Variants in ZC3H11A observed in about 807,000 individuals in gnomAD.
ZC3H11A encodes zinc finger CCCH-type containing 11A.
A neutral mutation model predicts 90.8 loss-of-function variants in ZC3H11A; 22 were observed. That is an observed-to-expected ratio of 0.24 (90% CI 0.17 to 0.35). The LOEUF (loss-of-function observed/expected upper bound fraction) is 0.35, where lower values mean the gene tolerates loss of function less well. Among genes scored for constraint, ZC3H11A ranks in the 10% least tolerant of loss-of-function variants. ZC3H11A has a pLI of 1.00. For synonymous variants in ZC3H11A, 294 were observed against 339.8 expected (o/e 0.87, Z 1.48); for missense variants, 701 against 964.9 (o/e 0.73, Z 3.62).
chr1:203,837,031 A>C (rs188375352), intron 10 of ZC3H11A, among the ~76,000 whole-genome samples: 6 of 152,256 alleles, frequency 3.9e-5, no homozygotes, highest in Admixed American at 2.6e-4. Flanking sequence ...GGGGCCTGGC[A>C]TAGTGCTGTA....
chr1:203,852,853 A>G lies in ZC3H11A; in HGVS notation c.*454A>G, dbSNP rs180808990. 0.011 allele frequency: 1,945 copies of G among 178,142 alleles called. 13 individuals are homozygous for G. Among genetic ancestry groups the G allele is most frequent in the Middle Eastern group, 0.018 (6 of 336 alleles). 11.0% of individuals were successfully genotyped at this position (178,142 alleles called of 1,614,324 possible). On this transcript the variant is annotated 3_prime_UTR_variant, in exon 18 of 18. Transcript: ENST00000367210. ...AAGGACCAAATTTTATGCTACCACTAAACAAAAATACCCACTCAGTCTGTG... is the reference window on the plus strand; with the variant it reads ...AAGGACCAAATTTTATGCTACCACTGAACAAAAATACCCACTCAGTCTGTG...
Position 203,853,894 on chromosome 1 carries a change from C to T in ZC3H11A, c.*1495C>T, listed in dbSNP as rs1228912894. The T allele has an allele frequency of 3.9e-5, 6 of 152,634 alleles. No individual in the cohort carries two copies. In the East Asian group the frequency reaches 1.2e-3, roughly 29 times the overall value. The allele number at this position is 152,634 out of a possible 1,614,324, so 9.5% of individuals were successfully genotyped here. A position where few individuals can be genotyped will look rare whatever the true frequency, so the allele number is the denominator to read the frequency against. ...TTCTCCAAAGCAGAGGTAGAATGTTCAGGTTTCACCATGGATTTTCTACTT... is the reference window on the plus strand; with the variant it reads ...TTCTCCAAAGCAGAGGTAGAATGTTTAGGTTTCACCATGGATTTTCTACTT... On this transcript the variant is annotated 3_prime_UTR_variant, in exon 18 of 18. Transcript: ENST00000367210.
At chr1:203,843,390 T>C (rs1234013516) in intron 12 of ZC3H11A, among the ~76,000 whole-genome samples, 1 of 152,240 alleles carries the variant, frequency 6.6e-6, no homozygotes, top group Non-Finnish European at 1.5e-5. Flanking sequence ...CTTGTGAAAT[T>C]TGTATTAGAT....
intron 2 of ZC3H11A, 76 bp from the exon 3 acceptor site, chr1:203,816,850 G>T (rs1676550880): frequency 2.2e-6 from 1 of 456,762 alleles, no homozygotes; most frequent in East Asian, 3.6e-5. Flanking sequence ...CTAGCAATAC[G>T]ATCTCATTAG....
rs775708700 is a variant in ZC3H11A, at chr1:203,828,332, A to G, written c.208A>G (p.Asn70Asp). Residue 70 changes from asparagine to aspartate, a missense_variant, in exon 5 of 18, where the codon AAT (asparagine) becomes GAT (aspartate). This residue lies in a region of ZC3H11A where 59 missense variants were observed against 132.8 expected (regional missense o/e 0.44). Coordinates refer to ENST00000367210, the MANE Select transcript of ZC3H11A (RefSeq NM_001376342.1). Reference protein sequence around the residue: ...KRSEIPCYWENQPTGCQKLNC... With the variant: ...KRSEIPCYWEDQPTGCQKLNC... ...CAGTGAAATTCCTTGTTATTGGGAA[A>G]ATCAGCCAACAGGATGTCAAAAATT... 1.2e-6 allele frequency: 2 copies of G among 1,614,130 alleles called. No individual in the cohort carries two copies. Among genetic ancestry groups the G allele is most frequent in the Admixed American group, 1.7e-5 (1 of 60,036 alleles).
At chr1:203,806,201 C>T in intron 2 of ZC3H11A, 1 of 439,844 alleles carries the variant, frequency 2.3e-6, no homozygotes, top group Non-Finnish European at 4.4e-6. Context: ...TCCACCATGC[C>T]AATGCAGTCA....
rs774771270 is a variant in ZC3H11A at position 203,830,925 on chromosome 1, A to ATTTTTTT, written c.701-704_701-698dup. Among the ~76,000 whole-genome samples, 18 of 51,386 alleles carry ATTTTTTT rather than the reference A, an allele frequency of 3.5e-4. 2 individuals are homozygous for ATTTTTTT. Among genetic ancestry groups the ATTTTTTT allele is most frequent in the African/African-American group, 3.5e-4 (5 of 14,090 alleles). The allele number at this position is 51,386 out of a possible 152,430, so 33.7% of individuals were successfully genotyped here. A position where few individuals can be genotyped will look rare whatever the true frequency, so the allele number is the denominator to read the frequency against. On this transcript the variant is annotated intron_variant, in intron 8 of 17. Coordinates refer to ENST00000367210, the MANE Select transcript of ZC3H11A (RefSeq NM_001376342.1). ...GATTGCTCTGTATTTCCAACCCCCA[A>ATTTTTTT]TTTTTTTTTTTTTTTTTTTTTTTTT...
In ZC3H11A at chr1:203,843,420, C is replaced by CAT. The variant is rs1687023401; in HGVS notation, c.1042+3049_1042+3050dup. Among the ~76,000 whole-genome samples, 6 of 152,328 alleles carry CAT rather than the reference C, an allele frequency of 3.9e-5. No individual in the cohort carries two copies. In the South Asian group the frequency reaches 1.2e-3, roughly 32 times the overall value. ...TTAGATAGATGTTGGAACTTTGGGA[C>CAT]ATATGCCTGCATGTCTCTGTATACT... On this transcript the variant is annotated intron_variant, in intron 12 of 17. Transcript: ENST00000367210.
At chr1:203,817,212 A>G (rs1286327640) in intron 3 of ZC3H11A, 88 bp downstream of exon 3, 2 of 1,116,296 alleles carry the variant, frequency 1.8e-6, no homozygotes, top group Admixed American at 2.8e-5. Flanking sequence ...AGTTGTTTTT[A>G]TTATATATAT....
At chr1:203,806,637 A>C (rs545024051) in intron 2 of ZC3H11A, among the ~76,000 whole-genome samples, 4 of 152,270 alleles carry the variant, frequency 2.6e-5, no homozygotes, top group Non-Finnish European at 5.9e-5. Context: ...ATACTAGAAC[A>C]TCTGGAACAG....
chr1:203,820,263 A>C (rs1483211520), intron 4 of ZC3H11A, among the ~76,000 whole-genome samples: 1 of 151,460 alleles, frequency 6.6e-6, no homozygotes, highest in Non-Finnish European at 1.5e-5. Context: ...GCCCAAATTC[A>C]AGTGTTGCAC....
intron 12 of ZC3H11A, among the ~76,000 whole-genome samples, chr1:203,843,970 G>T (rs1187772109): frequency 6.6e-6 from 1 of 151,792 alleles, no homozygotes; most frequent in Non-Finnish European, 1.5e-5. Flanking sequence ...TGATTCTCCT[G>T]CCTCACCCTT....
At chr1:203,847,819 G>T (rs1485405200) in intron 13 of ZC3H11A, 132 bp downstream of exon 13, 2 of 1,362,636 alleles carry the variant, frequency 1.5e-6, no homozygotes, top group African/African-American at 2.9e-5. Flanking sequence ...TGAATTAAAT[G>T]AAGTTTTTCA....
At chr1:203,837,738 A>C (rs1292222034) in intron 10 of ZC3H11A, among the ~76,000 whole-genome samples, 2 of 152,080 alleles carry the variant, frequency 1.3e-5, no homozygotes, top group Admixed American at 1.3e-4. Flanking sequence ...TTGACCTCCC[A>C]AAGTGCTGAG....
At chr1:203,822,513 T>C (rs1478383160) in intron 4 of ZC3H11A, among the ~76,000 whole-genome samples, 1 of 152,130 alleles carries the variant, frequency 6.6e-6, no homozygotes, top group East Asian at 1.9e-4. Context: ...ACATGTGAGA[T>C]GCTGTCCTGA....
intron 16 of ZC3H11A, 22 bp from the exon 17 acceptor site, chr1:203,851,035 T>C (rs758384093): frequency 1.2e-5 from 20 of 1,613,204 alleles, no homozygotes; most frequent in Non-Finnish European, 1.4e-5. Context: ...CTCACTGAAT[T>C]ACCTGACTCT....
chr1:203,829,409 G>A, intron 5 of ZC3H11A, 42 bp from the exon 6 acceptor site: 2 of 1,608,264 alleles, frequency 1.2e-6, no homozygotes, highest in African/African-American at 1.3e-5. Flanking sequence ...AGTTGGGGTT[G>A]TATCTTCTGT....
Position 203,851,124 on chromosome 1 carries a change from G to A in ZC3H11A, c.2174G>A (p.Ser725Asn), listed in dbSNP as rs752505348. The change falls in exon 17 of 18, where the codon AGT (serine) becomes AAT (asparagine). Residue 725 changes from serine to asparagine, a missense_variant and splice_region_variant. Around this residue, in one of 4 missense-constraint regions of ZC3H11A, gnomAD observed 91 missense variants for 86.8 expected, o/e 1.05. Transcript: ENST00000367210. ...TVPEAENPRDSLVLPPTQSSS... is the reference protein window; with the variant it reads ...TVPEAENPRDNLVLPPTQSSS... ...CCTGAAGCAGAAAATCCTAGAGACA[G>A]GTAATACTTTGTAATTCTTTCTAAA... 6.2e-7 allele frequency: 1 copy of A among 1,614,030 alleles called. No homozygotes were observed. Among genetic ancestry groups the A allele is most frequent in the South Asian group, 1.1e-5 (1 of 91,052 alleles).
chr1:203,815,589 A>G (rs1253090044), intron 2 of ZC3H11A, among the ~76,000 whole-genome samples: 2 of 152,150 alleles, frequency 1.3e-5, no homozygotes, highest in Non-Finnish European at 2.9e-5. Flanking sequence ...TTTACATATT[A>G]TAATACATTC....
Sources: gnomAD v4.1 joint callset for allele counts (sites outside exome capture counted in the v4.1 genomes callset) on GRCh38, gnomAD v4.1.1 for gene constraint, gnomAD v4.1.1 regional missense constraint, MANE v1.5 for transcripts, NCBI Gene and HGNC (gene_info 2026-07-23, HGNC 2026-07-21) for gene names.